The following CENPV variants were observed in gnomAD, a reference collection of about 807,000 sequenced individuals.
The protein encoded by CENPV is centromere protein V.
CENPV carries 15 observed loss-of-function variants against 26.4 expected under a neutral mutation model. The ratio of observed to expected loss-of-function variants is 0.57; its 90% confidence interval spans 0.38 to 0.88. CENPV has a LOEUF of 0.88. Among genes scored for constraint, CENPV ranks in the 40% least tolerant of loss-of-function variants. The pLI is 0.00. For synonymous variants in CENPV, 172 were observed against 165.5 expected (o/e 1.04, Z -0.30); for missense variants, 336 against 376.5 (o/e 0.89, Z 0.89).
At position 16,353,062 on chromosome 17, in the gene CENPV, G is replaced by A. The variant is rs760101002; in HGVS notation, c.375C>T (p.Thr125=). Residue 125 remains threonine, a synonymous_variant, in exon 1 of 5, where the codon ACC becomes ACT. Transcript: ENST00000299736. ...GCAGGAGCTTGGCGGCACCCTCGGA[G>A]GTAAGCTTCTGCCGCTTCTGGAACG... ...WETFQKRQKL[T]SEGAAKLLLD... 16 of 1,579,176 alleles carry A rather than the reference G, an allele frequency of 1.0e-5. No individual in the cohort carries two copies. In the Admixed American group the frequency reaches 1.9e-4, roughly 19 times the overall value.
rs1390240006 is a variant in CENPV, at chr17:16,344,681, T to G, written c.610A>C (p.Asn204His). The G allele has an allele frequency of 6.3e-7, 1 of 1,599,138 alleles. No individual in the cohort carries two copies. Among genetic ancestry groups the G allele is most frequent in the South Asian group, 1.1e-5 (1 of 88,576 alleles). ...GAEHITTYTF[N>H]THKAQHTFCK... is the part of the protein sequence containing the mutation. Reference sequence around the variant, plus strand: ...AAGGTATGCTGGGCTTTGTGAGTATTGAACGTGTAAGTCGTTATGTGCTCA... The same window carrying G: ...AAGGTATGCTGGGCTTTGTGAGTATGGAACGTGTAAGTCGTTATGTGCTCA... The change falls in exon 4 of 5, where the codon AAT becomes CAT. Residue 204 changes from asparagine (N) to histidine (H), a missense_variant. Transcript: ENST00000299736.
rs778537468 is a variant in CENPV, at chr17:16,342,946, G to C, written c.695-5C>G. On this transcript the variant is annotated splice_polypyrimidine_tract_variant and splice_region_variant and intron_variant, in intron 4 of 4. Transcript: ENST00000299736. ...CCAGGCAGTGGGGGGCAATTCCTAC[G>C]AGAAAGTGGCACAGACAAAGGGGGA... 1.2e-6 allele frequency: 2 copies of C among 1,613,988 alleles called. No homozygotes were observed. The highest frequency in any genetic ancestry group is 1.7e-6 in the Non-Finnish European group (2 of 1,180,016).
At chr17:16,346,758 G>C (rs1444048818) in intron 3 of CENPV, among the ~76,000 whole-genome samples, 1 of 151,442 alleles carries the variant, frequency 6.6e-6, no homozygotes, top group Non-Finnish European at 1.5e-5. Flanking sequence ...CAAAAAAAAA[G>C]TTAAGCAAGG....
At chr17:16,352,803 C>T (rs1040812292) in intron 1 of CENPV, among the ~76,000 whole-genome samples, 5 of 152,106 alleles carry the variant, frequency 3.3e-5, no homozygotes, top group Non-Finnish European at 7.4e-5. Flanking sequence ...ACGAAGCCCC[C>T]TTTCCATTCC....
At chr17:16,348,874 G>T in intron 2 of CENPV, 189 bp from the exon 3 acceptor site, 3 of 1,386,806 alleles carry the variant, frequency 2.2e-6, no homozygotes, top group Admixed American at 2.9e-5. Context: ...GAGCCCAGGG[G>T]GGTCCCAAGT....
At chr17:16,352,953 G>C in intron 1 of CENPV, 74 bp downstream of exon 1, 1 of 1,438,358 alleles carries the variant, frequency 7.0e-7, no homozygotes. Context: ...CCTGCACGCG[G>C]GCTGCGAGCC....
chr17:16,347,508 TTTTC>T (rs1399172979), intron 3 of CENPV: 2 of 134,078 alleles, frequency 1.5e-5, no homozygotes, highest in African/African-American at 2.5e-5. Context: ...AACCTGGAGA[TTTTC>T]TTTCTCTCTT....
intron 1 of CENPV, among the ~76,000 whole-genome samples, chr17:16,352,553 A>G (rs1330150806): frequency 1.3e-5 from 2 of 152,120 alleles, no homozygotes; most frequent in Non-Finnish European, 2.9e-5. Flanking sequence ...GTTCAAAACT[A>G]TTCATGCTTC....
intron 1 of CENPV, among the ~76,000 whole-genome samples, 195 bp from the exon 2 acceptor site, chr17:16,350,224 T>A (rs2093223366): frequency 6.6e-6 from 1 of 152,196 alleles, no homozygotes; most frequent in Non-Finnish European, 1.5e-5. Context: ...GTCCATGAGC[T>A]CTCTTTTCAC....
At chr17:16,344,363 AT>A (rs2093195639) in intron 4 of CENPV, 1 of 289,418 alleles carries the variant, frequency 3.5e-6, no homozygotes, top group Non-Finnish European at 6.4e-6. Context: ...CACAACCTGG[AT>A]GGGCTCCAAG....
chr17:16,349,792 G>A (rs549499685), intron 2 of CENPV, 139 bp downstream of exon 2: 2 of 1,457,368 alleles, frequency 1.4e-6, no homozygotes, highest in East Asian at 2.5e-5. Flanking sequence ...GAACCTTTCT[G>A]TCCCCATCAC....
rs1489456282 is a variant in CENPV at position 16,349,911 on chromosome 17, A to AG, written c.509+19dup. On this transcript the variant is annotated intron_variant, in intron 2 of 4. Coordinates refer to ENST00000299736, the MANE Select transcript of CENPV (RefSeq NM_181716.3). ...CTCTGAAATTCTTTTAAGCCAATTT[A>AG]GGGAAAAAAAAATACTCACTTGCAG... 1 of 1,601,258 alleles carries AG rather than the reference A, an allele frequency of 6.2e-7. No homozygotes were observed. Among genetic ancestry groups the AG allele is most frequent in the Non-Finnish European group, 8.5e-7 (1 of 1,176,930 alleles).
intron 3 of CENPV, among the ~76,000 whole-genome samples, chr17:16,345,504 G>C (rs1027712920): frequency 1.3e-5 from 2 of 151,980 alleles, no homozygotes; most frequent in African/African-American, 4.8e-5. Context: ...TGGGGAAGTA[G>C]AGGCTGCAGT....
intron 1 of CENPV, chr17:16,350,548 G>A: frequency 6.5e-6 from 1 of 152,840 alleles, no homozygotes; most frequent in Admixed American, 6.5e-5. Context: ...TCACCATCTT[G>A]GCCAAGCTGG....
At chr17:16,349,253 C>T (rs1445337619) in intron 2 of CENPV, 2 of 987,346 alleles carry the variant, frequency 2.0e-6, no homozygotes, top group Non-Finnish European at 2.4e-6. Context: ...CCAATCTGGA[C>T]TCTATTGTTA....
In CENPV at chr17:16,353,229, C is replaced by A. The variant is rs2093235074; in HGVS notation, c.208G>T (p.Ala70Ser). The change falls in exon 1 of 5, where the codon GCC (alanine) becomes TCC (serine). Residue 70 changes from alanine to serine, a missense_variant. Around this residue, in one of 2 missense-constraint regions of CENPV, gnomAD observed 181 missense variants for 148.8 expected, o/e 1.22. Coordinates refer to ENST00000299736, the MANE Select transcript of CENPV (RefSeq NM_181716.3). ...KPRLRRSSPRAQEEGPGEPPP... is the reference protein window; with the variant it reads ...KPRLRRSSPRSQEEGPGEPPP... The stretch of plus-strand genomic sequence containing the variant: ...GGCTCCCCCGGGCCCTCCTCCTGGG[C>A]CCGCGGCGACGAGCGCCTCAGCCGC... 1 of 1,393,264 alleles carries A rather than the reference C, an allele frequency of 7.2e-7. No individual in the cohort carries two copies. The highest frequency in any genetic ancestry group is 9.3e-7 in the Non-Finnish European group (1 of 1,076,448). The allele number at this position is 1,393,264 out of a possible 1,614,324, so 86.3% of individuals were successfully genotyped here.
intron 3 of CENPV, chr17:16,347,912 G>A (rs1476274282): frequency 1.3e-5 from 2 of 152,140 alleles, no homozygotes; most frequent in African/African-American, 4.8e-5. Flanking sequence ...AATGAGATAA[G>A]CAGTTTATCA....
Position 16,353,360 on chromosome 17 carries a change from G to C in CENPV, c.77C>G (p.Ala26Gly), listed in dbSNP as rs780735851. 2 of 1,241,748 alleles carry C rather than the reference G, an allele frequency of 1.6e-6. No individual in the cohort carries two copies. Among genetic ancestry groups the C allele is most frequent in the South Asian group, 5.4e-5 (2 of 36,792 alleles). 76.9% of individuals were successfully genotyped at this position (1,241,748 alleles called of 1,614,324 possible). A position where few individuals can be genotyped will look rare whatever the true frequency, so the allele number is the denominator to read the frequency against. ...GGGTGCCAAGGCAGCGGCCGCGGAGGCCGCGGGGGCCGCGGAGGCCCCGGA... is the reference window on the plus strand; with the variant it reads ...GGGTGCCAAGGCAGCGGCCGCGGAGCCCGCGGGGGCCGCGGAGGCCCCGGA... ...KRSGASAAPA[A>G]SAAAALAPSA... Residue 26 changes from alanine (A) to glycine (G), a missense_variant, in exon 1 of 5, where the codon GCC becomes GGC. Physicochemically the swap from Ala to Gly is moderately conservative, Grantham distance 60 (BLOSUM62 0). This residue lies in a region of CENPV where 181 missense variants were observed against 148.8 expected (regional missense o/e 1.22). Coordinates refer to ENST00000299736, the MANE Select transcript of CENPV (RefSeq NM_181716.3).
At chr17:16,349,757 A>G (rs2093221775) in intron 2 of CENPV, 174 bp downstream of exon 2, 2 of 1,418,350 alleles carry the variant, frequency 1.4e-6, no homozygotes, top group Non-Finnish European at 1.8e-6. Flanking sequence ...GATGAGCCAT[A>G]TAAAAGGAAC....
Sources: gnomAD v4.1 joint callset for allele counts (sites outside exome capture counted in the v4.1 genomes callset) on GRCh38, gnomAD v4.1.1 for gene constraint, gnomAD v4.1.1 regional missense constraint, MANE v1.5 for transcripts, NCBI Gene and HGNC (gene_info 2026-07-23, HGNC 2026-07-21) for gene names.